The following FGF20 variants were observed in gnomAD, a reference collection of about 807,000 sequenced individuals.
FGF20 encodes the protein fibroblast growth factor 20.
FGF20 carries 8 observed loss-of-function variants against 16.7 expected under a neutral mutation model. The observed-to-expected ratio is 0.48, with a 90% CI of 0.28 to 0.87. The LOEUF is 0.87. Among genes scored for constraint, FGF20 ranks in the 40% least tolerant of loss-of-function variants. The probability of loss-of-function intolerance (pLI) is 0.10; values close to 1 mark genes in which losing one functional copy is unlikely to be tolerated. For missense variants in FGF20, 397 were observed against 281.4 expected (o/e 1.41, Z -2.94); for synonymous variants, 161 against 118.6 (o/e 1.36, Z -2.32).
At chr8:16,997,192 CT>C (rs957061983) in intron 1 of FGF20, among the ~76,000 whole-genome samples, 7 of 152,110 alleles carry the variant, frequency 4.6e-5, no homozygotes, top group South Asian at 2.1e-4. Context: ...CTGGATCACC[CT>C]TTTTTTTCTG....
At chr8:17,001,674 G>C (rs1810186919) in intron 1 of FGF20, 73 bp downstream of exon 1, 8 of 1,436,000 alleles carry the variant, frequency 5.6e-6, no homozygotes, top group Non-Finnish European at 7.3e-6. Flanking sequence ...GGCAAAGAGG[G>C]AGGTGCAAGG....
At chr8:16,996,156 C>A (rs558102201) in intron 1 of FGF20, among the ~76,000 whole-genome samples, 16 of 152,202 alleles carry the variant, frequency 1.1e-4, no homozygotes, top group Non-Finnish European at 2.2e-4. Context: ...GAACCTCGAA[C>A]CTCTCTTGCT....
chr8:16,993,056 A>G lies in FGF20; in HGVS notation c.*16T>C. On this transcript the variant is annotated 3_prime_UTR_variant, in exon 3 of 3. Coordinates refer to ENST00000180166, the MANE Select transcript of FGF20 (RefSeq NM_019851.3). ...ATGGTTGTGGTTTGACTCTTCCATAATGTCACTATCGCACTTCAAGTGTAC... is the reference window on the plus strand; with the variant it reads ...ATGGTTGTGGTTTGACTCTTCCATAGTGTCACTATCGCACTTCAAGTGTAC... 1.2e-6 allele frequency: 2 copies of G among 1,611,172 alleles called. No individual in the cohort carries two copies. Among genetic ancestry groups the G allele is most frequent in the South Asian group, 1.1e-5 (1 of 90,618 alleles).
chr8:16,997,713 T>G (rs1810088280), intron 1 of FGF20, among the ~76,000 whole-genome samples: 1 of 152,192 alleles, frequency 6.6e-6, no homozygotes, highest in African/African-American at 2.4e-5. Flanking sequence ...GCAAGAAGGC[T>G]TAGGACAGCC....
chr8:16,994,910 T>C (rs1315429794), intron 2 of FGF20, among the ~76,000 whole-genome samples: 1 of 152,204 alleles, frequency 6.6e-6, no homozygotes, highest in African/African-American at 2.4e-5. Flanking sequence ...AAATCCATGT[T>C]GTGCTGTAAG....
rs540242187 is a variant in FGF20, at chr8:16,997,207, A to T, written c.287-1449T>A. On this transcript the variant is annotated intron_variant, in intron 1 of 2. Coordinates refer to ENST00000180166, the MANE Select transcript of FGF20 (RefSeq NM_019851.3). ...CTGGATCACCCTTTTTTTTCTGCAC[A>T]CACTAAACTTTGGACTAATGCCTTT... 3.9e-5 allele frequency among the ~76,000 whole-genome samples: 6 copies of T among 152,194 alleles called. No homozygotes were observed. The South Asian group carries it at 6.2e-4, about 16-fold the overall frequency.
Position 16,995,637 on chromosome 8 carries a change from A to T in FGF20, c.390+18T>A, listed in dbSNP as rs762917811. 2 of 1,141,824 alleles carry T rather than the reference A, an allele frequency of 1.8e-6. No individual in the cohort carries two copies. Among genetic ancestry groups the T allele is most frequent in the Non-Finnish European group, 2.5e-6 (2 of 807,412 alleles). The allele number at this position is 1,141,824 out of a possible 1,614,324, so 70.7% of individuals were successfully genotyped here. ...TTTAAGAATTACAATAATAATAAAA[A>T]ATAAAAATAATACGTACTGATCCAT... On this transcript the variant is annotated intron_variant, in intron 2 of 2. Coordinates refer to ENST00000180166, the MANE Select transcript of FGF20 (RefSeq NM_019851.3).
chr8:16,997,541 T>C (rs565106388), intron 1 of FGF20, among the ~76,000 whole-genome samples: 8 of 152,182 alleles, frequency 5.3e-5, no homozygotes, highest in African/African-American at 1.4e-4. Flanking sequence ...CAGAGATTCT[T>C]AGCAAGACAA....
intron 1 of FGF20, among the ~76,000 whole-genome samples, chr8:16,998,823 C>T (rs79598565): frequency 0.015 from 2,187 of 150,822 alleles, 40 homozygotes; most frequent in African/African-American, 0.05. Flanking sequence ...CTGTGTACTA[C>T]TGTGTAGGAA....
intron 2 of FGF20, among the ~76,000 whole-genome samples, chr8:16,993,576 C>T (rs1212457138): frequency 3.3e-5 from 5 of 151,960 alleles, no homozygotes; most frequent in African/African-American, 4.8e-5. Flanking sequence ...AATTTTTCCA[C>T]GGACCAGGAT....
chr8:17,001,891 C>A lies in FGF20; in HGVS notation c.142G>T (p.Ala48Ser), dbSNP rs1442725564. ...TGCGCAGCCCCCGGCCCGCCGCGCG[C>A]GCTCCGCTCCGCCGCGCTCCTGCGC... ...GERRSAAERSARGGPGAAQLA... is the reference protein window; with the variant it reads ...GERRSAAERSSRGGPGAAQLA... The change falls in exon 1 of 3, where the codon GCG becomes TCG. Residue 48 changes from alanine to serine, a missense_variant. Transcript: ENST00000180166. 4.9e-6 allele frequency: 7 copies of A among 1,432,974 alleles called. No homozygotes were observed. Among genetic ancestry groups the A allele is most frequent in the Non-Finnish European group, 4.6e-6 (5 of 1,097,834 alleles). 88.8% of individuals were successfully genotyped at this position (1,432,974 alleles called of 1,614,324 possible). A position where few individuals can be genotyped will look rare whatever the true frequency, so the allele number is the denominator to read the frequency against.
intron 1 of FGF20, among the ~76,000 whole-genome samples, chr8:16,999,005 T>C (rs1031825018): frequency 2.0e-5 from 3 of 152,154 alleles, no homozygotes; most frequent in Non-Finnish European, 1.5e-5. Flanking sequence ...AATTAGTAAC[T>C]GAAGTACTAG....
At position 17,002,124 on chromosome 8, in the gene FGF20, G is replaced by T; in HGVS notation, c.-92C>A. On this transcript the variant is annotated 5_prime_UTR_variant, in exon 1 of 3. Transcript: ENST00000180166. Reference sequence around the variant, plus strand: ...GGATAGAGAAAAATTATAGCAAAACGAGCGCAAAAAGTTAAGGCCCGGTTA... The same window carrying T: ...GGATAGAGAAAAATTATAGCAAAACTAGCGCAAAAAGTTAAGGCCCGGTTA... 7.4e-7 allele frequency: 1 copy of T among 1,358,808 alleles called. No individual in the cohort carries two copies. Among genetic ancestry groups the T allele is most frequent in the South Asian group, 1.6e-5 (1 of 63,824 alleles). The allele number at this position is 1,358,808 out of a possible 1,614,324, so 84.2% of individuals were successfully genotyped here. A position where few individuals can be genotyped will look rare whatever the true frequency, so the allele number is the denominator to read the frequency against.
intron 1 of FGF20, among the ~76,000 whole-genome samples, chr8:17,000,075 C>G (rs1473827566): frequency 1.3e-5 from 2 of 152,120 alleles, no homozygotes; most frequent in South Asian, 4.1e-4. Flanking sequence ...GAATCGAAGT[C>G]TCAGGGCCAT....
At chr8:16,999,422 T>C (rs780990717) in intron 1 of FGF20, among the ~76,000 whole-genome samples, 1 of 151,884 alleles carries the variant, frequency 6.6e-6, no homozygotes, top group Non-Finnish European at 1.5e-5. Flanking sequence ...TATTTACTAA[T>C]CTCTCCCCAT....
At chr8:16,998,089 T>C (rs1810098220) in intron 1 of FGF20, among the ~76,000 whole-genome samples, 1 of 152,192 alleles carries the variant, frequency 6.6e-6, no homozygotes, top group African/African-American at 2.4e-5. Flanking sequence ...ATAAGCTAAT[T>C]ATATAACAAA....
In FGF20 at chr8:16,998,311, A is replaced by G. The variant is rs144568434; in HGVS notation, c.287-2553T>C. ...ATAACCAGGTATAAATAATTTTGCAATGGCTCATGGGACTGATATGTGTTT... is the reference window on the plus strand; with the variant it reads ...ATAACCAGGTATAAATAATTTTGCAGTGGCTCATGGGACTGATATGTGTTT... On this transcript the variant is annotated intron_variant, in intron 1 of 2. Transcript: ENST00000180166. 9.2e-5 allele frequency among the ~76,000 whole-genome samples: 14 copies of G among 152,304 alleles called. No homozygotes were observed. The East Asian group carries it at 1.7e-3, about 19-fold the overall frequency.
intron 1 of FGF20, 144 bp downstream of exon 1, chr8:17,001,603 G>T: frequency 2.1e-6 from 2 of 931,454 alleles, no homozygotes; most frequent in Non-Finnish European, 2.9e-6. Context: ...CCCAGCCTGC[G>T]TCTTGCACCG....
chr8:16,999,545 CAG>C (rs1428414253), intron 1 of FGF20, among the ~76,000 whole-genome samples: 1 of 98,208 alleles, frequency 1.0e-5, no homozygotes, highest in African/African-American at 4.0e-5. Context: ...TTTTTTGAGA[CAG>C]AGTCTTGGTC....
Sources: allele counts gnomAD v4.1 joint callset (sites outside exome capture counted in the v4.1 genomes callset), GRCh38; gene constraint gnomAD v4.1.1; transcripts MANE v1.5; gene names NCBI Gene and HGNC (gene_info 2026-07-23, HGNC 2026-07-21).